Variants in BAG2 observed in about 807,000 individuals in gnomAD.
BAG2 encodes BAG cochaperone 2, also known as BAG family molecular chaperone regulator 2.
In BAG2, 8 loss-of-function variants were observed where a neutral mutation model predicts 16.4. That is an observed-to-expected ratio of 0.49 (90% CI 0.29 to 0.88). The LOEUF (loss-of-function observed/expected upper bound fraction) is 0.88. Ranked by LOEUF, BAG2 falls within the 40% of genes least tolerant of loss-of-function variation. The pLI, the probability that BAG2 is intolerant of heterozygous loss-of-function variation, is 0.09. For missense variants in BAG2, 218 were observed against 248.9 expected (o/e 0.88, Z 0.84); for synonymous variants, 82 against 89.2 (o/e 0.92, Z 0.46).
chr6:57,173,429 C>T, intron 1 of BAG2: 3 of 985,342 alleles, frequency 3.0e-6, no homozygotes, highest in Non-Finnish European at 3.6e-6. Context: ...CCTAACCTCG[C>T]GGACGGGATT....
chr6:57,179,495 TC>T (rs1200752027), intron 1 of BAG2, among the ~76,000 whole-genome samples: 2 of 152,060 alleles, frequency 1.3e-5, no homozygotes. Flanking sequence ...AGGGAGAGGA[TC>T]CTTTTATGGA....
At position 57,182,161 on chromosome 6, in the gene BAG2, A is replaced by G; in HGVS notation, c.223+20A>G. The G allele has an allele frequency of 6.2e-7, 1 of 1,603,314 alleles. No homozygotes were observed. On this transcript the variant is annotated intron_variant, in intron 2 of 2. Coordinates refer to ENST00000370693, the MANE Select transcript of BAG2 (RefSeq NM_004282.4). ...GTGACGGTGAGAGCCATCTCCACAGAAGGGGCTCATCTTTTACACTCCTTT... is the reference window on the plus strand; with the variant it reads ...GTGACGGTGAGAGCCATCTCCACAGGAGGGGCTCATCTTTTACACTCCTTT...
intron 1 of BAG2, among the ~76,000 whole-genome samples, chr6:57,175,502 G>C (rs898632221): frequency 6.6e-6 from 1 of 152,190 alleles, no homozygotes; most frequent in African/African-American, 2.4e-5. Context: ...AGAGGGTCCT[G>C]CCCTATGCCC....
intron 1 of BAG2, among the ~76,000 whole-genome samples, chr6:57,179,384 TGAA>T (rs1318223008): frequency 6.6e-6 from 1 of 152,204 alleles, no homozygotes; most frequent in African/African-American, 2.4e-5. Flanking sequence ...TTTAATATCT[TGAA>T]GAATAAAGAT....
At position 57,172,609 on chromosome 6, in the gene BAG2, G is replaced by A; in HGVS notation, c.-89G>A. 1.7e-6 allele frequency: 2 copies of A among 1,148,570 alleles called. No homozygotes were observed. Among genetic ancestry groups the A allele is most frequent in the Non-Finnish European group, 1.2e-6 (1 of 868,804 alleles). The allele number at this position is 1,148,570 out of a possible 1,614,324, so 71.1% of individuals were successfully genotyped here. On this transcript the variant is annotated 5_prime_UTR_variant, in exon 1 of 3. Coordinates refer to ENST00000370693, the MANE Select transcript of BAG2 (RefSeq NM_004282.4). ...GAGGGAGGGCGGGCGCCCGCGTGGT[G>A]ACGGCGACGCCTGCAGCCCAAGGAG... is the stretch of plus-strand genomic sequence containing the variant.
Position 57,188,487 on chromosome 6 carries a change from T to TAAC in BAG2, c.*4298_*4300dup, listed in dbSNP as rs572306750. ...CCACACAGCTAACATGAAAAAGAAC[T>TAAC]AACTAGAACACATATAACAAGTGAT... On this transcript the variant is annotated 3_prime_UTR_variant, in exon 3 of 3. Coordinates refer to ENST00000370693, the MANE Select transcript of BAG2 (RefSeq NM_004282.4). The TAAC allele has an allele frequency of 1.3e-5, 2 of 151,812 alleles. No homozygotes were observed. The highest frequency in any genetic ancestry group is 6.6e-5 in the Admixed American group (1 of 15,066). The allele number at this position is 151,812 out of a possible 1,614,324, so 9.4% of individuals were successfully genotyped here. A position where few individuals can be genotyped will look rare whatever the true frequency, so the allele number is the denominator to read the frequency against.
At position 57,183,980 on chromosome 6, in the gene BAG2, T is replaced by C; in HGVS notation, c.426T>C (p.Cys142=). The change falls in exon 3 of 3, where the codon TGT becomes TGC. Residue 142 remains cysteine, a synonymous_variant. Coordinates refer to ENST00000370693, the MANE Select transcript of BAG2 (RefSeq NM_004282.4). ...ATTTAATGTCGCTCTACAGTGCATG[T>C]TCATCTGAGGTGCCACATGGGCCAG... The part of the protein sequence containing the change: ...KSHLMSLYSA[C]SSEVPHGPVD... The C allele has an allele frequency of 6.2e-7, 1 of 1,613,422 alleles. No individual in the cohort carries two copies. The highest frequency in any genetic ancestry group is 8.5e-7 in the Non-Finnish European group (1 of 1,179,818).
In BAG2 at chr6:57,184,399, T is replaced by A; in HGVS notation, c.*209T>A. On this transcript the variant is annotated 3_prime_UTR_variant, in exon 3 of 3. Transcript: ENST00000370693. ...ATTATCTATCTAGAGATTTTTTAGA[T>A]TGAATTCTTGTCTTGTACTAGGATC... The A allele has an allele frequency of 4.9e-6, 2 of 407,928 alleles. No individual in the cohort carries two copies. The highest frequency in any genetic ancestry group is 8.4e-6 in the Non-Finnish European group (2 of 237,612). The allele number at this position is 407,928 out of a possible 1,614,324, so 25.3% of individuals were successfully genotyped here.
intron 1 of BAG2, 108 bp from the exon 2 acceptor site, chr6:57,181,922 GAA>G: frequency 4.5e-6 from 4 of 893,812 alleles, no homozygotes; most frequent in Non-Finnish European, 5.1e-6. Flanking sequence ...AAGAATTTTT[GAA>G]AAGTTTGGTG....
At chr6:57,181,950 T>G in intron 1 of BAG2, 82 bp from the exon 2 acceptor site, 1 of 1,181,326 alleles carries the variant, frequency 8.5e-7, no homozygotes, top group Non-Finnish European at 1.2e-6. Flanking sequence ...TAAACTTGAT[T>G]TGGGTTGAAT....
At position 57,185,440 on chromosome 6, in the gene BAG2, C is replaced by T. The variant is rs1192488453; in HGVS notation, c.*1250C>T. On this transcript the variant is annotated 3_prime_UTR_variant, in exon 3 of 3. Transcript: ENST00000370693. ...TATTTGAATGTAGGTATTCTTCACACTGAAAAACCAAATCAAGATCCAAAC... is the reference window on the plus strand; with the variant it reads ...TATTTGAATGTAGGTATTCTTCACATTGAAAAACCAAATCAAGATCCAAAC... 1 of 152,214 alleles carries T rather than the reference C, an allele frequency of 6.6e-6. No individual in the cohort carries two copies. The highest frequency in any genetic ancestry group is 1.5e-5 in the Non-Finnish European group (1 of 68,032). 9.4% of individuals were successfully genotyped at this position (152,214 alleles called of 1,614,324 possible). A position where few individuals can be genotyped will look rare whatever the true frequency, so the allele number is the denominator to read the frequency against.
At position 57,186,256 on chromosome 6, in the gene BAG2, A is replaced by C. The variant is rs933706171; in HGVS notation, c.*2066A>C. 6.6e-6 allele frequency: 1 copy of C among 152,134 alleles called. No individual in the cohort carries two copies. The highest frequency in any genetic ancestry group is 2.4e-5 in the African/African-American group (1 of 41,390). The allele number at this position is 152,134 out of a possible 1,614,324, so 9.4% of individuals were successfully genotyped here. A position where few individuals can be genotyped will look rare whatever the true frequency, so the allele number is the denominator to read the frequency against. On this transcript the variant is annotated 3_prime_UTR_variant, in exon 3 of 3. Coordinates refer to ENST00000370693, the MANE Select transcript of BAG2 (RefSeq NM_004282.4). ...AGGGAAGAGAACAAACATTTTGTAG[A>C]CGTTTGGTGTTGAATATATGCTATG...
At chr6:57,175,750 C>T (rs1028517047) in intron 1 of BAG2, among the ~76,000 whole-genome samples, 1 of 152,050 alleles carries the variant, frequency 6.6e-6, no homozygotes, top group Non-Finnish European at 1.5e-5. Flanking sequence ...GGTGGTGTGC[C>T]CCTTCCCCCT....
intron 1 of BAG2, among the ~76,000 whole-genome samples, chr6:57,176,087 GTTA>G (rs757951023): frequency 2.0e-5 from 3 of 152,186 alleles, no homozygotes; most frequent in Non-Finnish European, 4.4e-5. Flanking sequence ...CTTCTGTGTT[GTTA>G]CAGTGTGAGA....
chr6:57,184,006 T>C lies in BAG2; in HGVS notation c.452T>C (p.Val151Ala). Residue 151 changes from valine (V) to alanine (A), a missense_variant, in exon 3 of 3, where the codon GTT (valine) becomes GCT (alanine). By Grantham distance (64) the Val-to-Ala change is moderately conservative. Coordinates refer to ENST00000370693, the MANE Select transcript of BAG2 (RefSeq NM_004282.4). ...ACSSEVPHGPVDQKFQSIVIG... is the reference protein window; with the variant it reads ...ACSSEVPHGPADQKFQSIVIG... ...TCATCTGAGGTGCCACATGGGCCAGTTGATCAGAAGTTTCAATCCATAGTA... is the reference window on the plus strand; with the variant it reads ...TCATCTGAGGTGCCACATGGGCCAGCTGATCAGAAGTTTCAATCCATAGTA... 6.2e-7 allele frequency: 1 copy of C among 1,612,974 alleles called. No homozygotes were observed. Among genetic ancestry groups the C allele is most frequent in the South Asian group, 1.1e-5 (1 of 90,660 alleles).
intron 1 of BAG2, among the ~76,000 whole-genome samples, chr6:57,175,905 T>G (rs1371210796): frequency 6.6e-6 from 1 of 152,214 alleles, no homozygotes; most frequent in Non-Finnish European, 1.5e-5. Flanking sequence ...AACCCCAATT[T>G]GAAGCCAGTT....
At chr6:57,183,477 TCA>T (rs1042249411) in intron 2 of BAG2, among the ~76,000 whole-genome samples, 3 of 152,202 alleles carry the variant, frequency 2.0e-5, no homozygotes, top group Non-Finnish European at 2.9e-5. Context: ...TGCTTACTGC[TCA>T]CAGTGTTAAG....
Position 57,175,166 on chromosome 6 carries a change from C to T in BAG2, c.113+2356C>T, listed in dbSNP as rs186991616. 2.1e-3 allele frequency among the ~76,000 whole-genome samples: 315 copies of T among 152,262 alleles called. 1 individual carries two copies. The highest frequency in any genetic ancestry group is 3.7e-3 in the African/African-American group (155 of 41,542). On this transcript the variant is annotated intron_variant, in intron 1 of 2. Transcript: ENST00000370693. Reference sequence around the variant, plus strand: ...GTTTTGACGATCAGTTCTAAATGGACTCTGAGTTTTGCATTCTTCAGTGGC... The same window carrying T: ...GTTTTGACGATCAGTTCTAAATGGATTCTGAGTTTTGCATTCTTCAGTGGC...
intron 1 of BAG2, 60 bp downstream of exon 1, chr6:57,172,870 G>T (rs765702804): frequency 6.8e-5 from 92 of 1,347,304 alleles, no homozygotes; most frequent in Non-Finnish European, 8.5e-5. Context: ...TTCGCGGGCG[G>T]TTAGCGGACG....
Sources: allele counts gnomAD v4.1 joint callset (sites outside exome capture counted in the v4.1 genomes callset), GRCh38; gene constraint gnomAD v4.1.1; transcripts MANE v1.5; gene names NCBI Gene and HGNC (gene_info 2026-07-23, HGNC 2026-07-21).